NME5: variants seen among roughly 807,000 people sequenced by gnomAD.
NME5 encodes nucleoside diphosphate kinase 5.
A neutral mutation model predicts 21.6 loss-of-function variants in NME5; 18 were observed. The ratio of observed to expected loss-of-function variants is 0.83; its 90% CI spans 0.58 to 1.24. The LOEUF (loss-of-function observed/expected upper bound fraction) is 1.24. Among genes scored for constraint, NME5 ranks in the 50% most tolerant of loss-of-function variants. The pLI is 0.00. For synonymous variants in NME5, 70 were observed against 80.6 expected (o/e 0.87, Z 0.71); for missense variants, 223 against 255.4 (o/e 0.87, Z 0.86).
chr5:138,117,493 A>G (rs1751187976), intron 5 of NME5, among the ~76,000 whole-genome samples: 1 of 152,138 alleles, frequency 6.6e-6, no homozygotes, highest in Non-Finnish European at 1.5e-5. Flanking sequence ...AATACAAAGA[A>G]CTTTAACTCA....
chr5:138,119,201 A>G (rs929770038), intron 4 of NME5, among the ~76,000 whole-genome samples: 8 of 148,978 alleles, frequency 5.4e-5, no homozygotes, highest in Non-Finnish European at 1.2e-4. Flanking sequence ...TAATTTTTGT[A>G]TTTTTATTTA....
chr5:138,121,720 T>G lies in NME5; in HGVS notation c.437-2784A>C, dbSNP rs540405599. Among the ~76,000 whole-genome samples the G allele has an allele frequency of 1.0e-3, 156 of 152,340 alleles. 1 individual carries two copies. Among genetic ancestry groups the G allele is most frequent in the Non-Finnish European group, 1.9e-3 (129 of 68,036 alleles). On this transcript the variant is annotated intron_variant, in intron 4 of 5. Transcript: ENST00000265191. ...CTTTGCAGTAAGTTTCAAAATCAGATAGTGGAAGTCTTCCAACTTTGTTCT... is the reference window on the plus strand; with the variant it reads ...CTTTGCAGTAAGTTTCAAAATCAGAGAGTGGAAGTCTTCCAACTTTGTTCT...
At chr5:138,127,412 GA>G (rs1157326178) in intron 4 of NME5, 17 of 928,364 alleles carry the variant, frequency 1.8e-5, no homozygotes, top group South Asian at 5.0e-5. Context: ...CCAAAAAAAA[GA>G]AAAAAAATAT....
chr5:138,127,458 G>A, intron 4 of NME5: 1 of 977,178 alleles, frequency 1.0e-6, no homozygotes, highest in Non-Finnish European at 1.2e-6. Context: ...ACAGTTTTCT[G>A]TTTTATTTGA....
intron 4 of NME5, among the ~76,000 whole-genome samples, chr5:138,122,442 A>T (rs1448697913): frequency 6.0e-4 from 5 of 8,364 alleles, no homozygotes; most frequent in African/African-American, 1.1e-3. Context: ...CTCTGTCTCT[A>T]AAAAAAAAAA....
chr5:138,122,799 T>C (rs1308239770), intron 4 of NME5, among the ~76,000 whole-genome samples: 1 of 151,828 alleles, frequency 6.6e-6, no homozygotes. Flanking sequence ...TGCCTCAGCC[T>C]CCTGAGTAGC....
At chr5:138,136,653 T>A (rs57510212) in intron 2 of NME5, among the ~76,000 whole-genome samples, 8,667 of 150,858 alleles carry the variant, frequency 0.057, 497 homozygotes, top group African/African-American at 0.15. Flanking sequence ...ATTAAAAAAA[T>A]TTTTTTTTTC....
intron 2 of NME5, among the ~76,000 whole-genome samples, chr5:138,136,403 G>T (rs754447591): frequency 5.9e-5 from 9 of 152,170 alleles, no homozygotes; most frequent in Non-Finnish European, 8.8e-5. Context: ...CCCACCTAAA[G>T]ATTGAGCATC....
At chr5:138,115,789 A>C (rs2151155232) in intron 5 of NME5, 25 bp from the exon 6 acceptor site, 1 of 1,489,052 alleles carries the variant, frequency 6.7e-7, no homozygotes, top group Non-Finnish European at 9.1e-7. Flanking sequence ...AAAACAACCT[A>C]AGTTAAGAAA....
chr5:138,134,582 A>G (rs1751647606), intron 2 of NME5, among the ~76,000 whole-genome samples: 1 of 151,308 alleles, frequency 6.6e-6, no homozygotes, highest in Non-Finnish European at 1.5e-5. Flanking sequence ...GTTTCACCAC[A>G]TTGGCCAGGG....
At chr5:138,121,064 C>T (rs915350237) in intron 4 of NME5, among the ~76,000 whole-genome samples, 2 of 151,894 alleles carry the variant, frequency 1.3e-5, no homozygotes, top group Non-Finnish European at 2.9e-5. Flanking sequence ...CAGTGGTTCA[C>T]ACTTGTAGTC....
At chr5:138,122,740 C>T (rs943874292) in intron 4 of NME5, among the ~76,000 whole-genome samples, 2 of 149,734 alleles carry the variant, frequency 1.3e-5, no homozygotes, top group Admixed American at 6.7e-5. Flanking sequence ...TGCAGTGGTG[C>T]GATCTCGGTT....
chr5:138,129,481 C>A lies in NME5; in HGVS notation c.130-13G>T, dbSNP rs1336460446. ...GTAGTTTTCTTCTCTATAAAAGACA[C>A]AAAGTCAACAAAAGCATTTAAAATG... On this transcript the variant is annotated splice_polypyrimidine_tract_variant and intron_variant, in intron 2 of 5. Coordinates refer to ENST00000265191, the MANE Select transcript of NME5 (RefSeq NM_003551.3). The A allele has an allele frequency of 6.3e-7, 1 of 1,593,654 alleles. No individual in the cohort carries two copies. Among genetic ancestry groups the A allele is most frequent in the Admixed American group, 1.7e-5 (1 of 59,574 alleles).
chr5:138,120,080 T>G (rs950219140), intron 4 of NME5, among the ~76,000 whole-genome samples: 2 of 151,788 alleles, frequency 1.3e-5, no homozygotes, highest in African/African-American at 4.8e-5. Flanking sequence ...GGCCTGCAAG[T>G]GTGTGCCACC....
At position 138,130,723 on chromosome 5, in the gene NME5, G is replaced by A. The variant is rs149582386; in HGVS notation, c.130-1255C>T. Among the ~76,000 whole-genome samples the A allele has an allele frequency of 5.3e-4, 79 of 149,542 alleles. No homozygotes were observed. In the East Asian group the frequency reaches 0.016, roughly 30 times the overall value. On this transcript the variant is annotated intron_variant, in intron 2 of 5. Coordinates refer to ENST00000265191, the MANE Select transcript of NME5 (RefSeq NM_003551.3). ...GTGGATCACCTGAGGTCAGGAGTTCGAGACTAGCCTGGTGAACATGGTGAA... is the reference window on the plus strand; with the variant it reads ...GTGGATCACCTGAGGTCAGGAGTTCAAGACTAGCCTGGTGAACATGGTGAA...
chr5:138,135,765 A>C (rs1196659990), intron 2 of NME5, among the ~76,000 whole-genome samples: 1 of 152,232 alleles, frequency 6.6e-6, no homozygotes, highest in East Asian at 1.9e-4. Context: ...GTATATACTG[A>C]AAAATCTTAT....
Position 138,115,557 on chromosome 5 carries a change from T to C in NME5, c.*124A>G, listed in dbSNP as rs1751139094. 1.8e-6 allele frequency: 1 copy of C among 547,864 alleles called. No homozygotes were observed. Among genetic ancestry groups the C allele is most frequent in the African/African-American group, 1.9e-5 (1 of 52,610 alleles). 33.9% of individuals were successfully genotyped at this position (547,864 alleles called of 1,614,324 possible). A position where few individuals can be genotyped will look rare whatever the true frequency, so the allele number is the denominator to read the frequency against. On this transcript the variant is annotated 3_prime_UTR_variant, in exon 6 of 6. Coordinates refer to ENST00000265191, the MANE Select transcript of NME5 (RefSeq NM_003551.3). ...GAATAGTTATTCCTTTAACACTTAT[T>C]TTTAAGAAATAAATTTATTTTACTT...
At position 138,124,143 on chromosome 5, in the gene NME5, C is replaced by T. The variant is rs537426548; in HGVS notation, c.436+4336G>A. On this transcript the variant is annotated intron_variant, in intron 4 of 5. Transcript: ENST00000265191. ...TCCCGAGTAGCTGGGATTATAGGCA[C>T]GTGCCACCACACCTGGCTAATTTTT... is the stretch of plus-strand genomic sequence containing the variant. 9.5e-3 allele frequency among the ~76,000 whole-genome samples: 1,439 copies of T among 151,228 alleles called. 12 individuals carry two copies. Among genetic ancestry groups the T allele is most frequent in the Non-Finnish European group, 0.016 (1,107 of 67,762 alleles).
intron 4 of NME5, among the ~76,000 whole-genome samples, chr5:138,121,860 A>T (rs1421220933): frequency 7.3e-5 from 11 of 150,382 alleles, no homozygotes; most frequent in East Asian, 1.9e-4. Flanking sequence ...TTTTCTTTAA[A>T]TTTTTTTTTT....
Sources: allele counts gnomAD v4.1 joint callset (sites outside exome capture counted in the v4.1 genomes callset), GRCh38; gene constraint gnomAD v4.1.1; transcripts MANE v1.5; gene names NCBI Gene and HGNC (gene_info 2026-07-23, HGNC 2026-07-21).